Variants in MGST1 observed in about 807,000 individuals in gnomAD.
MGST1 encodes microsomal glutathione S-transferase 1, also known as glutathione S-transferase 12.
Under a neutral mutation model 8.9 loss-of-function variants are expected in MGST1, and 5 were observed. The observed-to-expected ratio is 0.56, with a 90% CI of 0.29 to 1.19. The LOEUF is 1.19. Ranked by LOEUF, MGST1 falls within the 50% of genes most tolerant of loss-of-function variation. The pLI is 0.08. For missense variants in MGST1, 182 were observed against 187.4 expected (o/e 0.97, Z 0.17); for synonymous variants, 54 against 67.8 (o/e 0.80, Z 1.00).
chr12:16,388,861 G>A (rs1185006388), intron 1 of MGST1, among the ~76,000 whole-genome samples: 2 of 152,212 alleles, frequency 1.3e-5, no homozygotes, highest in Non-Finnish European at 2.9e-5. Context: ...GGCAGGAGCT[G>A]TACTCTGTCC....
At chr12:16,506,502 C>T (rs1215128652) in intron 4 of MGST1, among the ~76,000 whole-genome samples, 22 of 152,100 alleles carry the variant, frequency 1.4e-4, no homozygotes. Context: ...AGAATTGTCT[C>T]TCTACAACCA....
chr12:16,548,136 T>C lies in MGST1; in HGVS notation n.483-41392T>C, dbSNP rs912270408. On this transcript the variant is annotated intron_variant and non_coding_transcript_variant, in intron 4 of 4. Transcript: ENST00000538857. The surrounding 1 kb of genome is among the most constrained non-coding windows in gnomAD (Gnocchi z 4.2). Reference sequence around the variant, plus strand: ...AAATGTGCAAAATTACACCCAGCAATTGCTACCTTCATTTTTGAGAGTTTT... The same window carrying C: ...AAATGTGCAAAATTACACCCAGCAACTGCTACCTTCATTTTTGAGAGTTTT... 1.2e-4 allele frequency among the ~76,000 whole-genome samples: 18 copies of C among 152,164 alleles called. No homozygotes were observed. Among genetic ancestry groups the C allele is most frequent in the African/African-American group, 1.7e-4 (7 of 41,438 alleles).
At chr12:16,399,785 GATGGGTCAAGAGAGGCTACAAGA>G (rs1940637936) in intron 1 of MGST1, 1 of 1,187,050 alleles carries the variant, frequency 8.4e-7, no homozygotes, top group African/African-American at 1.5e-5. Flanking sequence ...ACCATTCCTT[GATGGGTCAAGAGAGGCTACAAGA>G]ATGGCATTGA....
At chr12:16,475,197 C>A (rs1227258431) in intron 4 of MGST1, among the ~76,000 whole-genome samples, 1 of 152,048 alleles carries the variant, frequency 6.6e-6, no homozygotes, top group Non-Finnish European at 1.5e-5. Flanking sequence ...CCAGCATATA[C>A]ATGAGTTGTT....
intron 1 of MGST1, among the ~76,000 whole-genome samples, chr12:16,432,731 C>CAG (rs767958436): frequency 2.5e-3 from 336 of 132,734 alleles, no homozygotes; most frequent in Non-Finnish European, 3.2e-3. Context: ...CACACACACA[C>CAG]AGAGAGAGAG....
chr12:16,471,949 A>G lies in MGST1; in HGVS notation n.482+88345A>G, dbSNP rs1283965230. 2.0e-5 allele frequency among the ~76,000 whole-genome samples: 3 copies of G among 151,798 alleles called. No individual in the cohort carries two copies. In the East Asian group the frequency reaches 5.8e-4, roughly 29 times the overall value. Reference sequence around the variant, plus strand: ...CACACACACACACACACAGACACCAATGTATGCACACATTGTCCGCTCCAC... The same window carrying G: ...CACACACACACACACACAGACACCAGTGTATGCACACATTGTCCGCTCCAC... On this transcript the variant is annotated intron_variant and non_coding_transcript_variant, in intron 4 of 4. Transcript: ENST00000538857.
intron 4 of MGST1, among the ~76,000 whole-genome samples, chr12:16,514,998 A>T (rs1431348965): frequency 6.6e-6 from 1 of 152,170 alleles, no homozygotes; most frequent in Non-Finnish European, 1.5e-5. Flanking sequence ...ATTTTAGAAG[A>T]TTTAACTGAA....
At chr12:16,443,210 T>C (rs1321290331), downstream of MGST1, among the ~76,000 whole-genome samples, 2 of 151,832 alleles carry the variant, frequency 1.3e-5, no homozygotes, top group Non-Finnish European at 2.9e-5. Context: ...TGGAATGATT[T>C]TTTTCAGTTA....
chr12:16,388,611 T>TA (rs1392664603), intron 1 of MGST1, among the ~76,000 whole-genome samples: 1 of 152,256 alleles, frequency 6.6e-6, no homozygotes, highest in Non-Finnish European at 1.5e-5. Context: ...GTTAATTAAC[T>TA]ATATGCTTGG....
rs3029719 is a variant in MGST1, at chr12:16,544,221, T to TACACACACACACAC, written n.483-45277_483-45264dup. Among the ~76,000 whole-genome samples, 71 of 138,886 alleles carry TACACACACACACAC rather than the reference T, an allele frequency of 5.1e-4. No homozygotes were observed. The highest frequency in any genetic ancestry group is 1.6e-3 in the African/African-American group (59 of 36,962). The allele number at this position is 138,886 out of a possible 152,430, so 91.1% of individuals were successfully genotyped here. A position where few individuals can be genotyped will look rare whatever the true frequency, so the allele number is the denominator to read the frequency against. The stretch of plus-strand genomic sequence containing the variant: ...TTAAATTGACACCTTAAGTAAGAAC[T>TACACACACACACAC]ACACACACACACACACACACACACA... On this transcript the variant is annotated intron_variant and non_coding_transcript_variant, in intron 4 of 4. Coordinates refer to the MGST1 transcript ENST00000538857. The surrounding 1 kb of genome is among the most constrained non-coding windows in gnomAD (Gnocchi z 4.8).
At chr12:16,592,275 C>T (rs560884140), downstream of MGST1, among the ~76,000 whole-genome samples, 84 of 152,092 alleles carry the variant, frequency 5.5e-4, 1 homozygote, top group African/African-American at 2.0e-3. Flanking sequence ...CCAATCCTGC[C>T]TCTCAGCAAG....
intron 4 of MGST1, chr12:16,549,641 CAAAG>C (rs2033880529): frequency 1.3e-5 from 2 of 151,866 alleles, no homozygotes; most frequent in African/African-American, 2.4e-5. Flanking sequence ...AAGAAAAAAA[CAAAG>C]AAAAAGAAAA....
intron 4 of MGST1, among the ~76,000 whole-genome samples, chr12:16,502,066 C>T (rs920166177): frequency 6.6e-6 from 1 of 152,024 alleles, no homozygotes; most frequent in Non-Finnish European, 1.5e-5. Context: ...AAATAAAAAC[C>T]ATGTTTTGCT....
chr12:16,499,227 G>T (rs983459), intron 4 of MGST1, among the ~76,000 whole-genome samples: 128,392 of 152,164 alleles, frequency 0.84, 55,245 homozygotes, highest in East Asian at 0.96. Flanking sequence ...TAACTACGTG[G>T]GTAAATGCAT....
At chr12:16,367,276 T>C (rs1290590268), downstream of MGST1, 1 of 152,118 alleles carries the variant, frequency 6.6e-6, no homozygotes, top group African/African-American at 2.4e-5. Context: ...GTTGAATTAA[T>C]GTCAAATAGA....
intron 4 of MGST1, among the ~76,000 whole-genome samples, chr12:16,529,172 G>A (rs1941706707): frequency 6.6e-6 from 1 of 151,486 alleles, no homozygotes; most frequent in Middle Eastern, 3.4e-3. Flanking sequence ...TTTTCATTTT[G>A]TTTCTCTCTC....
chr12:16,583,065 A>AT (rs1188274303), intron 4 of MGST1, among the ~76,000 whole-genome samples: 2 of 144,360 alleles, frequency 1.4e-5, no homozygotes, highest in Non-Finnish European at 3.1e-5. Context: ...AAAAAAAAAA[A>AT]ATCTAAACTG....
intron 4 of MGST1, among the ~76,000 whole-genome samples, chr12:16,573,127 TCA>T (rs1045226245): frequency 3.9e-5 from 6 of 152,072 alleles, no homozygotes; most frequent in African/African-American, 1.2e-4. Flanking sequence ...CTCAGTCAAA[TCA>T]CAGATAGGAA....
chr12:16,491,342 G>A (rs568782266), intron 4 of MGST1, among the ~76,000 whole-genome samples: 4 of 152,154 alleles, frequency 2.6e-5, no homozygotes, highest in Non-Finnish European at 5.9e-5. Context: ...AACTCTAAGC[G>A]TGATGATTAA....
Sources: allele counts gnomAD v4.1 joint callset (sites outside exome capture counted in the v4.1 genomes callset), GRCh38; gene constraint gnomAD v4.1.1; non-coding constraint Gnocchi (gnomAD v3.1); transcripts MANE v1.5; gene names NCBI Gene and HGNC (gene_info 2026-07-23, HGNC 2026-07-21).